The following ATAD2B variants were observed in gnomAD, a reference collection of about 807,000 sequenced individuals.
The protein encoded by ATAD2B is ATPase family AAA domain-containing protein 2B.
A neutral mutation model predicts 167.6 loss-of-function variants in ATAD2B; 40 were observed. That is an observed-to-expected ratio of 0.24 (90% CI 0.19 to 0.31). ATAD2B has a LOEUF of 0.31. Among genes scored for constraint, ATAD2B ranks in the 10% least tolerant of loss-of-function variants. The pLI is 1.00. For missense variants in ATAD2B, 1,242 were observed against 1,757.2 expected, an observed-to-expected ratio of 0.71 and a Z score of 5.24; for synonymous variants, 579 against 596.5, an observed-to-expected ratio of 0.97 and a Z score of 0.43.
chr2:23,701,793 CTTTTTTTTTTTT>C, the ATAD2B span, among the ~76,000 whole-genome samples: 1 of 22,544 alleles, frequency 4.4e-5, no homozygotes, highest in East Asian at 4.9e-3. Context: ...CTTTTTTTTG[CTTTTTTTTTTTT>C]TTTTTTTTTT....
intron 12 of ATAD2B, among the ~76,000 whole-genome samples, chr2:23,859,081 A>G (rs976015915): frequency 5.3e-5 from 8 of 152,124 alleles, no homozygotes; most frequent in African/African-American, 1.9e-4. Flanking sequence ...CTAACCAGCA[A>G]TATTTAAGGG....
intron 14 of ATAD2B, among the ~76,000 whole-genome samples, chr2:23,831,847 C>T (rs1162648956): frequency 6.6e-6 from 1 of 152,184 alleles, no homozygotes; most frequent in Non-Finnish European, 1.5e-5. Context: ...TTTCTTCCAT[C>T]TTGAAAACAA....
At chr2:23,712,814 C>CA in the ATAD2B span, among the ~76,000 whole-genome samples, 3 of 152,152 alleles carry the variant, frequency 2.0e-5, no homozygotes, top group Non-Finnish European at 4.4e-5. Context: ...GTTCACCATC[C>CA]AAACTTGCCA....
chr2:23,714,748 G>C, the ATAD2B span, among the ~76,000 whole-genome samples: 1 of 151,574 alleles, frequency 6.6e-6, no homozygotes, highest in Non-Finnish European at 1.5e-5. Flanking sequence ...CCAGCTACTC[G>C]GGAAGCTGAG....
chr2:23,868,000 T>C, intron 9 of ATAD2B, 54 bp from the exon 10 acceptor site: 6 of 1,208,348 alleles, frequency 5.0e-6, no homozygotes, highest in Non-Finnish European at 3.6e-6. Context: ...ACATTTTTAA[T>C]GTCAAAATAA....
the ATAD2B span, among the ~76,000 whole-genome samples, chr2:23,710,465 C>G: frequency 6.6e-6 from 1 of 152,158 alleles, no homozygotes; most frequent in African/African-American, 2.4e-5. Context: ...ACCCCGTGAG[C>G]AGTGAAGGGT....
chr2:23,835,996 C>T (rs2675352), intron 13 of ATAD2B, among the ~76,000 whole-genome samples: 5,598 of 152,032 alleles, frequency 0.037, 107 homozygotes, highest in South Asian at 0.046. Flanking sequence ...GTCAGGGTCG[C>T]TTTTCTGGCT....
At chr2:23,836,440 T>C (rs1265396265) in intron 13 of ATAD2B, among the ~76,000 whole-genome samples, 2 of 152,160 alleles carry the variant, frequency 1.3e-5, no homozygotes, top group African/African-American at 2.4e-5. Flanking sequence ...TTCTCTCCTC[T>C]TCACCCACAA....
At position 23,751,615 on chromosome 2, in the gene ATAD2B, T is replaced by C. The variant is rs1675361134; in HGVS notation, c.*431A>G. On this transcript the variant is annotated 3_prime_UTR_variant, in exon 28 of 28. Coordinates refer to ENST00000238789, the MANE Select transcript of ATAD2B (RefSeq NM_017552.4). ...TGGGGGAAAAATATGATTAAAGGGG[T>C]AAAATGGAGGAAAAAAAAATAACAA... 1 of 162,772 alleles carries C rather than the reference T, an allele frequency of 6.1e-6. No homozygotes were observed. The highest frequency in any genetic ancestry group is 2.4e-5 in the African/African-American group (1 of 41,240). 10.1% of individuals were successfully genotyped at this position (162,772 alleles called of 1,614,324 possible).
the ATAD2B span, among the ~76,000 whole-genome samples, chr2:23,732,699 A>G: frequency 6.6e-6 from 1 of 152,206 alleles, no homozygotes; most frequent in South Asian, 2.1e-4. Flanking sequence ...TACCATCTCT[A>G]TCTATACCCC....
the ATAD2B span, among the ~76,000 whole-genome samples, chr2:23,694,688 A>C: frequency 1.3e-5 from 2 of 152,110 alleles, no homozygotes; most frequent in Admixed American, 1.3e-4. Flanking sequence ...AATTCTCCAG[A>C]CACACCATTC....
chr2:23,872,272 A>G, intron 8 of ATAD2B: 2 of 472,828 alleles, frequency 4.2e-6, no homozygotes, highest in Non-Finnish European at 8.1e-6. Flanking sequence ...GCAGGAAGCC[A>G]CAGCTTCCAC....
At chr2:23,741,088 G>A in the ATAD2B span, among the ~76,000 whole-genome samples, 1 of 152,002 alleles carries the variant, frequency 6.6e-6, no homozygotes, top group African/African-American at 2.4e-5. Context: ...CCATGCTCAT[G>A]GGTAGGAAGA....
At chr2:23,821,265 A>G (rs2149637083) in intron 16 of ATAD2B, among the ~76,000 whole-genome samples, 1 of 152,340 alleles carries the variant, frequency 6.6e-6, no homozygotes, top group South Asian at 2.1e-4. Flanking sequence ...TAATTCACAA[A>G]TGGAGATAAA....
At chr2:23,857,804 C>T (rs1056637282) in intron 12 of ATAD2B, among the ~76,000 whole-genome samples, 3 of 146,562 alleles carry the variant, frequency 2.0e-5, no homozygotes, top group Admixed American at 7.0e-5. Flanking sequence ...TGCAGTGGCA[C>T]GATCTCGGCT....
Position 23,888,388 on chromosome 2 carries a change from T to G in ATAD2B, c.380A>C (p.Gln127Pro), listed in dbSNP as rs764974520. The G allele has an allele frequency of 3.1e-6, 5 of 1,590,822 alleles. No homozygotes were observed. In the African/African-American group the frequency reaches 6.7e-5, roughly 21 times the overall value. ...TCCATTTGGTAATGTAGCACCAGGC[T>G]GAGAAGTTAACCTAGAACACAATAA... ...LSTGQARLTS[Q>P]PGATLPNGHS... The change falls in exon 3 of 28, where the codon CAG becomes CCG. Residue 127 changes from glutamine (Q) to proline (P), a missense_variant. By Grantham distance (76) the Gln-to-Pro change is moderately conservative. Around this residue, in one of 9 missense-constraint regions of ATAD2B, gnomAD observed 199 missense variants for 194.9 expected, o/e 1.02. Coordinates refer to ENST00000238789, the MANE Select transcript of ATAD2B (RefSeq NM_017552.4).
intron 8 of ATAD2B, among the ~76,000 whole-genome samples, chr2:23,871,474 CTTAA>C (rs1336807578): frequency 6.6e-6 from 1 of 152,204 alleles, no homozygotes; most frequent in Non-Finnish European, 1.5e-5. Flanking sequence ...CCCTTCGTGG[CTTAA>C]TTTTCTGTCA....
chr2:23,863,554 C>T lies in ATAD2B; in HGVS notation c.1306G>A (p.Gly436Ser). 1 of 1,545,962 alleles carries T rather than the reference C, an allele frequency of 6.5e-7. No homozygotes were observed. Among genetic ancestry groups the T allele is most frequent in the Non-Finnish European group, 8.7e-7 (1 of 1,149,422 alleles). ...FEKFKIQPPR[G>S]CLFYGPPGTG... ...CCAGGAGGGCCATAAAACAAACAGCCCCTAGAAGAATAAAAAAATCAAGAA... is the reference window on the plus strand; with the variant it reads ...CCAGGAGGGCCATAAAACAAACAGCTCCTAGAAGAATAAAAAAATCAAGAA... Residue 436 changes from glycine to serine, a missense_variant and splice_region_variant, in exon 12 of 28, where the codon GGC becomes AGC. Coordinates refer to ENST00000238789, the MANE Select transcript of ATAD2B (RefSeq NM_017552.4).
At chr2:23,724,454 C>T in the ATAD2B span, among the ~76,000 whole-genome samples, 1 of 151,716 alleles carries the variant, frequency 6.6e-6, no homozygotes, top group African/African-American at 2.4e-5. Context: ...TTCTGAATAA[C>T]AGAGAAAGAT....
Sources: gnomAD v4.1 joint callset for allele counts (sites outside exome capture counted in the v4.1 genomes callset) on GRCh38, gnomAD v4.1.1 for gene constraint, gnomAD v4.1.1 regional missense constraint, MANE v1.5 for transcripts, NCBI Gene and HGNC (gene_info 2026-07-23, HGNC 2026-07-21) for gene names.